CPM: variants seen among roughly 807,000 people sequenced by gnomAD.
CPM encodes the protein renal carboxypeptidase.
Under a neutral mutation model 46.4 loss-of-function variants are expected in CPM, and 35 were observed. The observed-to-expected ratio is 0.75, with a 90% CI of 0.58 to 1.00. The LOEUF (loss-of-function observed/expected upper bound fraction) is 1.00. CPM is among the 50% of genes least tolerant of loss of function. The pLI is 0.00. For missense variants in CPM, 422 were observed against 530.4 expected (o/e 0.80, Z 2.01); for synonymous variants, 195 against 195.3 (o/e 1.00, Z 0.01).
chr12:68,913,466 C>T (rs756228580), intron 2 of CPM, among the ~76,000 whole-genome samples: 1 of 152,160 alleles, frequency 6.6e-6, no homozygotes, highest in East Asian at 1.9e-4. Context: ...CCAAGATACT[C>T]TGTTGCTTAC....
At chr12:68,884,804 G>A (rs1886360804) in intron 3 of CPM, among the ~76,000 whole-genome samples, 1 of 152,106 alleles carries the variant, frequency 6.6e-6, no homozygotes, top group South Asian at 2.1e-4. Flanking sequence ...AAACAGAGGT[G>A]AACATCTTCA....
At chr12:68,878,238 A>G (rs1886042535) in intron 3 of CPM, among the ~76,000 whole-genome samples, 1 of 152,250 alleles carries the variant, frequency 6.6e-6, no homozygotes, top group Admixed American at 6.5e-5. Flanking sequence ...TCCTGGGCAT[A>G]GGCTAAACTA....
intron 2 of CPM, among the ~76,000 whole-genome samples, chr12:68,896,304 C>T (rs1259975288): frequency 3.3e-5 from 5 of 152,272 alleles, no homozygotes; most frequent in African/African-American, 9.6e-5. Flanking sequence ...AAGTTAGATG[C>T]TTCCTTTGAA....
chr12:68,937,887 G>A (rs1393047505), upstream of CPM, among the ~76,000 whole-genome samples: 3 of 152,202 alleles, frequency 2.0e-5, no homozygotes, highest in Non-Finnish European at 4.4e-5. Flanking sequence ...GCACAAAAGT[G>A]TTAGAGAGGA....
At chr12:68,917,866 A>G (rs1455491234) in intron 2 of CPM, among the ~76,000 whole-genome samples, 2 of 152,118 alleles carry the variant, frequency 1.3e-5, no homozygotes, top group Non-Finnish European at 2.9e-5. Context: ...GGCGTTTTGC[A>G]TATGTCTCTG....
intron 2 of CPM, among the ~76,000 whole-genome samples, chr12:68,928,076 C>A (rs558567057): frequency 1.3e-5 from 2 of 152,274 alleles, no homozygotes; most frequent in South Asian, 4.1e-4. Flanking sequence ...AGTCCTAAGC[C>A]AAAAGAGCAA....
At chr12:68,961,132 A>G (rs1207771689) in intron 1 of CPM, among the ~76,000 whole-genome samples, 6 of 152,148 alleles carry the variant, frequency 3.9e-5, no homozygotes. Flanking sequence ...GAGAAAAATA[A>G]TGAAAATACC....
intron 3 of CPM, among the ~76,000 whole-genome samples, chr12:68,881,027 A>C (rs1886166427): frequency 6.6e-6 from 1 of 152,194 alleles, no homozygotes; most frequent in Non-Finnish European, 1.5e-5. Flanking sequence ...AGTGAGTTTA[A>C]CTTTACTTAT....
intron 2 of CPM, among the ~76,000 whole-genome samples, chr12:68,927,979 C>A (rs1476732309): frequency 6.6e-5 from 10 of 152,166 alleles, no homozygotes; most frequent in African/African-American, 1.7e-4. Context: ...CCATCCCCAT[C>A]AAGCCACCAA....
chr12:68,892,165 T>C (rs1192168312), intron 2 of CPM, among the ~76,000 whole-genome samples: 1 of 152,210 alleles, frequency 6.6e-6, no homozygotes, highest in African/African-American at 2.4e-5. Flanking sequence ...ACCACTATGC[T>C]GTACTGCTAA....
intron 2 of CPM, among the ~76,000 whole-genome samples, chr12:68,890,192 G>A (rs1886597687): frequency 6.6e-6 from 1 of 152,044 alleles, no homozygotes; most frequent in African/African-American, 2.4e-5. Flanking sequence ...AATTATGATT[G>A]TGCCACTGCA....
At chr12:68,866,776 G>T in intron 7 of CPM, 120 bp downstream of exon 7, 1 of 796,434 alleles carries the variant, frequency 1.3e-6, no homozygotes, top group Non-Finnish European at 2.1e-6. Context: ...ATCAGATCTG[G>T]CACTGAAATG....
chr12:68,915,645 C>T (rs145621698), intron 2 of CPM, among the ~76,000 whole-genome samples: 3 of 152,340 alleles, frequency 2.0e-5, no homozygotes, highest in South Asian at 4.1e-4. Flanking sequence ...TTTCCCATTA[C>T]GGCAGTTGGG....
chr12:68,847,191 G>A (rs1354047968), downstream of CPM: 1 of 54,966 alleles, frequency 1.8e-5, no homozygotes, highest in Non-Finnish European at 3.6e-5. Context: ...GTATGTGTGT[G>A]TACATTATAT....
chr12:68,958,450 C>T (rs1203984747), intron 1 of CPM, among the ~76,000 whole-genome samples: 2 of 152,150 alleles, frequency 1.3e-5, no homozygotes, highest in Non-Finnish European at 1.5e-5. Flanking sequence ...GCTTTTCTGT[C>T]GCAGGAAATG....
downstream of CPM, chr12:68,847,219 T>TA (rs1884380364): frequency 7.1e-6 from 1 of 140,998 alleles, no homozygotes; most frequent in Non-Finnish European, 1.5e-5. Context: ...TATACTTTTT[T>TA]TAGAGGCAGA....
At chr12:68,923,157 T>G (rs1253988672) in intron 2 of CPM, among the ~76,000 whole-genome samples, 1 of 59,552 alleles carries the variant, frequency 1.7e-5, no homozygotes, top group Non-Finnish European at 3.4e-5. Context: ...GTATTTGATA[T>G]AGAGTGTGTG....
intron 1 of CPM, among the ~76,000 whole-genome samples, chr12:68,946,993 G>C (rs1192503016): frequency 6.6e-6 from 1 of 152,214 alleles, no homozygotes; most frequent in East Asian, 1.9e-4. Context: ...TGTTTGCTCA[G>C]TCCATGCAAA....
At chr12:68,847,454 T>TTTTTTTC (rs1884403385), downstream of CPM, 1 of 111,814 alleles carries the variant, frequency 8.9e-6, no homozygotes, top group South Asian at 2.6e-4. Context: ...TCTCCTTTCT[T>TTTTTTTC]TTTTTTTTTT....
Sources: gnomAD v4.1 joint callset for allele counts (sites outside exome capture counted in the v4.1 genomes callset) on GRCh38, gnomAD v4.1.1 for gene constraint, MANE v1.5 for transcripts, NCBI Gene and HGNC (gene_info 2026-07-23, HGNC 2026-07-21) for gene names.